Variants in PTAFR observed in about 807,000 individuals in gnomAD.
PTAFR encodes platelet-activating factor receptor.
In PTAFR, 8 loss-of-function variants were observed where a neutral mutation model predicts 14.7. The observed-to-expected ratio is 0.54, with a 90% CI of 0.32 to 0.98. PTAFR has a LOEUF of 0.98. Ranked by LOEUF, PTAFR falls within the 50% of genes least tolerant of loss-of-function variation. The pLI is 0.04. For synonymous variants in PTAFR, 156 were observed against 176.5 expected (o/e 0.88, Z 0.92); for missense variants, 337 against 451.2 (o/e 0.75, Z 2.29).
intron 1 of PTAFR, among the ~76,000 whole-genome samples, chr1:28,185,481 G>C (rs987967995): frequency 6.6e-6 from 1 of 152,160 alleles, no homozygotes; most frequent in Non-Finnish European, 1.5e-5. Context: ...TTTCTCATCA[G>C]CAAATGGAGG....
intron 1 of PTAFR, among the ~76,000 whole-genome samples, chr1:28,186,997 C>T (rs1318188533): frequency 6.6e-6 from 1 of 152,154 alleles, no homozygotes; most frequent in African/African-American, 2.4e-5. Context: ...CACTATGTTG[C>T]ACAGGCTGGT....
chr1:28,175,447 C>A (rs986409446), intron 1 of PTAFR, among the ~76,000 whole-genome samples: 5 of 151,992 alleles, frequency 3.3e-5, no homozygotes, highest in African/African-American at 4.8e-5. Context: ...CCACCCCTAC[C>A]GCCTCCCCCA....
rs1646173945 is a variant in PTAFR at position 28,150,679 on chromosome 1, G to A, written c.343C>T (p.Arg115Cys). ...VAFLGVITYNRFQAVTRPIKT... is the reference protein window; with the variant it reads ...VAFLGVITYNCFQAVTRPIKT... ...ATGGGCCGAGTTACTGCCTGGAAGC[G>A]GTTATAAGTGATGACGCCCAGGAAG... Residue 115 changes from arginine to cysteine, a missense_variant, in exon 2 of 2, where the codon CGC (arginine) becomes TGC (cysteine). Physicochemically the swap from Arg to Cys is radical, Grantham distance 180. Transcript: ENST00000373857. This position sits in a 1 kb window ranked among gnomAD's most constrained non-coding sequence, Gnocchi z 6.3. 3 of 1,613,992 alleles carry A rather than the reference G, an allele frequency of 1.9e-6. No homozygotes were observed. The highest frequency in any genetic ancestry group is 1.7e-6 in the Non-Finnish European group (2 of 1,180,040).
At position 28,150,024 on chromosome 1, in the gene PTAFR, T is replaced by C. The variant is rs753134081; in HGVS notation, c.998A>G (p.Asn333Ser). The change falls in exon 2 of 2, where the codon AAC (asparagine) becomes AGC (serine). Residue 333 changes from asparagine to serine, a missense_variant. Asn to Ser is a conservative substitution (Grantham distance 46). Transcript: ENST00000373857. The surrounding 1 kb of genome is among the most constrained non-coding windows in gnomAD (Gnocchi z 6.3). ...TTTGAGGGAATTGCCAGGGATCTGG[T>C]TGAATGGCACAACCACTTCAGTGAC... ...DTVTEVVVPF[N>S]QIPGNSLKN 4 of 1,613,748 alleles carry C rather than the reference T, an allele frequency of 2.5e-6. No individual in the cohort carries two copies. The highest frequency in any genetic ancestry group is 1.1e-5 in the South Asian group (1 of 91,052).
rs1646136857 is a variant in PTAFR at position 28,148,153 on chromosome 1, TG to T, written c.*1839del. 1 of 152,140 alleles carries T rather than the reference TG, an allele frequency of 6.6e-6. No homozygotes were observed. Among genetic ancestry groups the T allele is most frequent in the African/African-American group, 2.4e-5 (1 of 41,408 alleles). The allele number at this position is 152,140 out of a possible 1,614,324, so 9.4% of individuals were successfully genotyped here. On this transcript the variant is annotated 3_prime_UTR_variant, in exon 2 of 2. Coordinates refer to ENST00000373857, the MANE Select transcript of PTAFR (RefSeq NM_000952.5). ...CCAGAGAAGTTTCCTCTGAGCCCCT[TG>T]GGTCTGAGGCTGCCAGGTTCACACT...
At chr1:28,176,118 G>A (rs1646510413) in intron 1 of PTAFR, among the ~76,000 whole-genome samples, 1 of 152,068 alleles carries the variant, frequency 6.6e-6, no homozygotes, top group Admixed American at 6.6e-5. Flanking sequence ...ATGAGACTCT[G>A]GGCCTGAGAA....
chr1:28,166,966 G>T (rs1192384160), intron 1 of PTAFR, among the ~76,000 whole-genome samples: 3 of 152,010 alleles, frequency 2.0e-5, no homozygotes, highest in Non-Finnish European at 1.5e-5. Context: ...AACAGAGGGA[G>T]ACTCTGTCTC....
chr1:28,178,379 G>C (rs914211706), upstream of PTAFR, among the ~76,000 whole-genome samples: 3 of 151,902 alleles, frequency 2.0e-5, no homozygotes, highest in Non-Finnish European at 4.4e-5. Context: ...TCCTGCCTCA[G>C]CCTCTGGAGT....
At chr1:28,174,481 C>T (rs529289737) in intron 1 of PTAFR, among the ~76,000 whole-genome samples, 7 of 152,282 alleles carry the variant, frequency 4.6e-5, no homozygotes, top group African/African-American at 1.7e-4. Flanking sequence ...AAAACTCAGT[C>T]CTGTAGGCAC....
chr1:28,158,080 C>T (rs2148995368), intron 1 of PTAFR, among the ~76,000 whole-genome samples: 1 of 152,302 alleles, frequency 6.6e-6, no homozygotes, highest in East Asian at 1.9e-4. Flanking sequence ...CCTCAGAGAA[C>T]AGACCCAGCC....
chr1:28,149,690 C>T lies in PTAFR; in HGVS notation c.*303G>A, dbSNP rs1392069336. On this transcript the variant is annotated 3_prime_UTR_variant, in exon 2 of 2. Transcript: ENST00000373857. ...GAACTAGGTGGTTTAAAGTCTTCCC[C>T]CAAGGTCTGCACCTGGCCCTGACAT... 2.9e-6 allele frequency: 1 copy of T among 343,370 alleles called. No individual in the cohort carries two copies. Among genetic ancestry groups the T allele is most frequent in the East Asian group, 5.8e-5 (1 of 17,378 alleles). The allele number at this position is 343,370 out of a possible 1,614,324, so 21.3% of individuals were successfully genotyped here.
chr1:28,166,458 G>C (rs1171150587), intron 1 of PTAFR, among the ~76,000 whole-genome samples: 2 of 152,156 alleles, frequency 1.3e-5, no homozygotes, highest in African/African-American at 2.4e-5. Context: ...GATCACCTGA[G>C]GTCAGGAGTT....
rs114461969 is a variant in PTAFR at position 28,168,554 on chromosome 1, T to C, written c.-39+8038A>G. ...CACTTATTATATGAGACATTTAAAG[T>C]AATCAAACGCATAGAACCAAAAGTA... On this transcript the variant is annotated intron_variant, in intron 1 of 1. Transcript: ENST00000373857. Among the ~76,000 whole-genome samples the C allele has an allele frequency of 3.5e-3, 533 of 152,228 alleles. 1 individual carries two copies. Among genetic ancestry groups the C allele is most frequent in the Non-Finnish European group, 4.3e-3 (291 of 68,004 alleles).
rs1277675819 is a variant in PTAFR at position 28,148,469 on chromosome 1, A to G, written c.*1524T>C. The stretch of plus-strand genomic sequence containing the variant: ...GGGTGTCCTGGCCTGGACAGCTCCA[A>G]TTTTGCCTTTTTTGTTTGTTTGTTT... On this transcript the variant is annotated 3_prime_UTR_variant, in exon 2 of 2. Coordinates refer to ENST00000373857, the MANE Select transcript of PTAFR (RefSeq NM_000952.5). The G allele has an allele frequency of 6.6e-6, 1 of 152,634 alleles. No homozygotes were observed. Among genetic ancestry groups the G allele is most frequent in the Non-Finnish European group, 1.5e-5 (1 of 68,538 alleles). The allele number at this position is 152,634 out of a possible 1,614,324, so 9.5% of individuals were successfully genotyped here. A position where few individuals can be genotyped will look rare whatever the true frequency, so the allele number is the denominator to read the frequency against.
At chr1:28,169,189 A>C (rs1646425303) in intron 1 of PTAFR, among the ~76,000 whole-genome samples, 2 of 151,992 alleles carry the variant, frequency 1.3e-5, no homozygotes, top group African/African-American at 4.8e-5. Context: ...TGAGCCCAGG[A>C]GTTTGAGACC....
chr1:28,176,375 C>G (rs891940775), intron 1 of PTAFR, among the ~76,000 whole-genome samples: 1 of 150,350 alleles, frequency 6.7e-6, no homozygotes, highest in African/African-American at 2.4e-5. Flanking sequence ...CCTGGCAGGT[C>G]CAGGCTGCAG....
chr1:28,183,777 C>T (rs1344627585), intron 1 of PTAFR, among the ~76,000 whole-genome samples: 1 of 152,098 alleles, frequency 6.6e-6, no homozygotes, highest in Non-Finnish European at 1.5e-5. Context: ...ATCCCAGCTA[C>T]TCAAGAGGCA....
intron 1 of PTAFR, among the ~76,000 whole-genome samples, chr1:28,193,342 G>A (rs375918847): frequency 3.9e-5 from 6 of 152,106 alleles, no homozygotes; most frequent in African/African-American, 9.7e-5. Flanking sequence ...TCTGCATCAT[G>A]TGAGGCAATA....
chr1:28,176,804 C>A (rs548814790), upstream of PTAFR: 1 of 153,206 alleles, frequency 6.5e-6, no homozygotes, highest in East Asian at 1.9e-4. Context: ...GACCTGGGCA[C>A]TGCACAGAGG....
Sources: allele counts gnomAD v4.1 joint callset (sites outside exome capture counted in the v4.1 genomes callset), GRCh38; gene constraint gnomAD v4.1.1; non-coding constraint Gnocchi (gnomAD v3.1); transcripts MANE v1.5; gene names NCBI Gene and HGNC (gene_info 2026-07-23, HGNC 2026-07-21).